Variants in FBXW4 observed in about 807,000 individuals in gnomAD.
FBXW4 encodes the protein F-box and WD repeat domain containing 4.
FBXW4 carries 40 observed loss-of-function variants against 61.8 expected under a neutral mutation model. That is an observed-to-expected ratio of 0.65 (90% CI 0.50 to 0.84). FBXW4 has a LOEUF of 0.84. FBXW4 is among the 40% of genes least tolerant of loss of function. FBXW4 has a pLI of 0.00. For missense variants in FBXW4, 672 were observed against 753.8 expected (o/e 0.89, Z 1.27); for synonymous variants, 311 against 313.8 (o/e 0.99, Z 0.10).
chr10:101,668,132 TG>T, intron 4 of FBXW4, 152 bp from the exon 5 acceptor site: 2 of 618,820 alleles, frequency 3.2e-6, no homozygotes, highest in East Asian at 5.5e-5. Flanking sequence ...GAGGGGCCCC[TG>T]CAGCTTCTGG....
intron 5 of FBXW4, among the ~76,000 whole-genome samples, chr10:101,649,195 T>A (rs951513246): frequency 6.6e-6 from 1 of 152,214 alleles, no homozygotes; most frequent in Admixed American, 6.5e-5. Context: ...ACACCCCCTA[T>A]AGATACATCT....
chr10:101,694,193 G>GCT lies in FBXW4; in HGVS notation c.725+187_725+188insAG, dbSNP rs2064644416. ...CTCTCGGGAGGCTGCCTCAGATGGAGGCCTTGGGGAGGAGGGGCAAAGGGG... is the reference window on the plus strand; with the variant it reads ...CTCTCGGGAGGCTGCCTCAGATGGAGCTGCCTTGGGGAGGAGGGGCAAAGGGG... On this transcript the variant is annotated intron_variant, in intron 1 of 8. Coordinates refer to ENST00000331272, the MANE Select transcript of FBXW4 (RefSeq NM_022039.4). This position sits in a 1 kb window ranked among gnomAD's most constrained non-coding sequence, Gnocchi z 6.0. Among the ~76,000 whole-genome samples the GCT allele has an allele frequency of 6.6e-6, 1 of 152,208 alleles. No individual in the cohort carries two copies. Among genetic ancestry groups the GCT allele is most frequent in the Non-Finnish European group, 1.5e-5 (1 of 68,036 alleles).
At chr10:101,633,346 C>T (rs1386266100) in intron 5 of FBXW4, among the ~76,000 whole-genome samples, 4 of 152,160 alleles carry the variant, frequency 2.6e-5, no homozygotes, top group Non-Finnish European at 5.9e-5. Context: ...CAAACTAACA[C>T]AAGAACAGAA....
At chr10:101,627,931 T>C in intron 5 of FBXW4, 3 of 985,166 alleles carry the variant, frequency 3.0e-6, no homozygotes, top group Non-Finnish European at 3.6e-6. Flanking sequence ...CTCACTGGCC[T>C]CAGTTCTCTA....
intron 5 of FBXW4, chr10:101,660,122 T>C: frequency 5.1e-6 from 5 of 985,400 alleles, no homozygotes; most frequent in Non-Finnish European, 6.0e-6. Context: ...GTGTGTCCCT[T>C]GAAGAGCTGA....
At chr10:101,679,931 T>C (rs903272842) in intron 1 of FBXW4, among the ~76,000 whole-genome samples, 2 of 152,232 alleles carry the variant, frequency 1.3e-5, no homozygotes, top group African/African-American at 4.8e-5. Context: ...TACACCACTC[T>C]GTACGCCTGT....
At chr10:101,615,291 T>C (rs1490959346) in intron 6 of FBXW4, among the ~76,000 whole-genome samples, 1 of 151,986 alleles carries the variant, frequency 6.6e-6, no homozygotes, top group African/African-American at 2.4e-5. Context: ...CCTGTCACTA[T>C]AGAGGGCCAG....
At chr10:101,643,448 G>GCA (rs371741411) in intron 5 of FBXW4, among the ~76,000 whole-genome samples, 1 of 152,162 alleles carries the variant, frequency 6.6e-6, no homozygotes, top group African/African-American at 2.4e-5. Flanking sequence ...TGCTGAGAAG[G>GCA]CACACACACA....
chr10:101,634,182 T>C (rs1589750206), intron 5 of FBXW4, among the ~76,000 whole-genome samples: 1 of 151,282 alleles, frequency 6.6e-6, no homozygotes, highest in Non-Finnish European at 1.5e-5. Context: ...AACTGTAGAA[T>C]ATCTAAGAAT....
intron 1 of FBXW4, among the ~76,000 whole-genome samples, chr10:101,684,028 A>G (rs11191089): frequency 0.026 from 3,963 of 152,278 alleles, 177 homozygotes; most frequent in African/African-American, 0.087. Context: ...CAGTAGCACA[A>G]TCTGGGCTCA....
Position 101,611,582 on chromosome 10 carries a change from A to T in FBXW4, c.1584+46T>A. ...CACCCTCTCCCAAATGCAGCCCATA[A>T]TCATGAGTCCTGGCATGCTGGAGAA... On this transcript the variant is annotated intron_variant, in intron 8 of 8. Coordinates refer to ENST00000331272, the MANE Select transcript of FBXW4 (RefSeq NM_022039.4). This position sits in a 1 kb window ranked among gnomAD's most constrained non-coding sequence, Gnocchi z 4.9. 1 of 1,606,432 alleles carries T rather than the reference A, an allele frequency of 6.2e-7. No individual in the cohort carries two copies. The highest frequency in any genetic ancestry group is 8.5e-7 in the Non-Finnish European group (1 of 1,174,572).
intron 5 of FBXW4, among the ~76,000 whole-genome samples, chr10:101,665,517 C>A (rs956681894): frequency 6.6e-6 from 1 of 152,084 alleles, no homozygotes; most frequent in Non-Finnish European, 1.5e-5. Context: ...TAGGTCTTCA[C>A]CAAAGATGAG....
At chr10:101,657,891 G>A (rs1242541672) in intron 5 of FBXW4, among the ~76,000 whole-genome samples, 1 of 152,132 alleles carries the variant, frequency 6.6e-6, no homozygotes, top group Non-Finnish European at 1.5e-5. Context: ...GATTCATAGG[G>A]TCTCTATAGC....
At position 101,668,618 on chromosome 10, in the gene FBXW4, A is replaced by G. The variant is rs544607220; in HGVS notation, c.1141-638T>C. ...GTAGCAGAAAAGCTTAACTCTTTTA[A>G]GCTTCCATATCTCCTACAGGTTAAA... On this transcript the variant is annotated intron_variant, in intron 4 of 8. Coordinates refer to ENST00000331272, the MANE Select transcript of FBXW4 (RefSeq NM_022039.4). Among the ~76,000 whole-genome samples the G allele has an allele frequency of 3.9e-5, 6 of 152,316 alleles. No homozygotes were observed. The South Asian group carries it at 1.0e-3, about 26-fold the overall frequency.
At chr10:101,658,132 G>A (rs914956436) in intron 5 of FBXW4, among the ~76,000 whole-genome samples, 4 of 152,174 alleles carry the variant, frequency 2.6e-5, no homozygotes, top group Admixed American at 1.3e-4. Flanking sequence ...GTGGAGCCAC[G>A]TGTGATTGTC....
At position 101,611,838 on chromosome 10, in the gene FBXW4, C is replaced by G; in HGVS notation, c.1443-69G>C. On this transcript the variant is annotated intron_variant, in intron 7 of 8. Coordinates refer to ENST00000331272, the MANE Select transcript of FBXW4 (RefSeq NM_022039.4). This position sits in a 1 kb window ranked among gnomAD's most constrained non-coding sequence, Gnocchi z 4.9. ...CCACCTCTACCCCAGCTTTCTTGGG[C>G]CTAGAGTGGCTGAGGGGAGCGTTAA... 1 of 1,542,744 alleles carries G rather than the reference C, an allele frequency of 6.5e-7. No homozygotes were observed. The highest frequency in any genetic ancestry group is 8.8e-7 in the Non-Finnish European group (1 of 1,140,592).
In FBXW4 at chr10:101,694,514, G is replaced by A; in HGVS notation, c.592C>T (p.Leu198=). Residue 198 remains leucine, a synonymous_variant, in exon 1 of 9, where the codon CTG becomes TTG. Coordinates refer to ENST00000331272, the MANE Select transcript of FBXW4 (RefSeq NM_022039.4). This position sits in a 1 kb window ranked among gnomAD's most constrained non-coding sequence, Gnocchi z 6.0. ...EELLLLICSY[L]DMRALGRLAQ... ...AGGCGGCCGAGGGCCCGCATGTCCAGGTAGGAGCAGATGAGCAGCAGCAGC... is the reference window on the plus strand; with the variant it reads ...AGGCGGCCGAGGGCCCGCATGTCCAAGTAGGAGCAGATGAGCAGCAGCAGC... The A allele has an allele frequency of 6.6e-7, 1 of 1,516,118 alleles. No individual in the cohort carries two copies. 93.9% of individuals were successfully genotyped at this position (1,516,118 alleles called of 1,614,324 possible).
At position 101,611,592 on chromosome 10, in the gene FBXW4, C is replaced by G; in HGVS notation, c.1584+36G>C. 6.2e-7 allele frequency: 1 copy of G among 1,611,358 alleles called. No homozygotes were observed. Among genetic ancestry groups the G allele is most frequent in the Non-Finnish European group, 8.5e-7 (1 of 1,178,162 alleles). Reference sequence around the variant, plus strand: ...CAAATGCAGCCCATAATCATGAGTCCTGGCATGCTGGAGAAGAGGTGGGCA... The same window carrying G: ...CAAATGCAGCCCATAATCATGAGTCGTGGCATGCTGGAGAAGAGGTGGGCA... On this transcript the variant is annotated intron_variant, in intron 8 of 8. Transcript: ENST00000331272. The surrounding 1 kb of genome is among the most constrained non-coding windows in gnomAD (Gnocchi z 4.9).
At chr10:101,629,349 A>G (rs1017331853) in intron 5 of FBXW4, among the ~76,000 whole-genome samples, 1 of 151,766 alleles carries the variant, frequency 6.6e-6, no homozygotes, top group Admixed American at 6.6e-5. Context: ...CAGTGGTGCA[A>G]TCTCAGCTCA....
Sources: gnomAD v4.1 joint callset for allele counts (sites outside exome capture counted in the v4.1 genomes callset) on GRCh38, gnomAD v4.1.1 for gene constraint, Gnocchi (gnomAD v3.1) non-coding constraint, MANE v1.5 for transcripts, NCBI Gene and HGNC (gene_info 2026-07-23, HGNC 2026-07-21) for gene names.